The following SMURF1 variants were observed in gnomAD, a reference collection of about 807,000 sequenced individuals.
SMURF1 encodes SMAD specific E3 ubiquitin protein ligase 1.
Under a neutral mutation model 98.0 loss-of-function variants are expected in SMURF1, and 44 were observed. The observed-to-expected ratio is 0.45, with a 90% CI of 0.35 to 0.58. The LOEUF (loss-of-function observed/expected upper bound fraction) is 0.58. Ranked by LOEUF, SMURF1 falls within the 20% of genes least tolerant of loss-of-function variation. The pLI is 0.00. For synonymous variants in SMURF1, 396 were observed against 374.9 expected (o/e 1.06, Z -0.65); for missense variants, 687 against 938.4 (o/e 0.73, Z 3.50).
chr7:99,086,523 G>A (rs370844376), intron 1 of SMURF1, among the ~76,000 whole-genome samples: 2 of 152,094 alleles, frequency 1.3e-5, no homozygotes, highest in Admixed American at 6.6e-5. Context: ...AATGTTGAAC[G>A]TGGAGTTACC....
At chr7:99,101,344 C>T (rs1253445738) in intron 1 of SMURF1, among the ~76,000 whole-genome samples, 2 of 152,150 alleles carry the variant, frequency 1.3e-5, no homozygotes, top group Non-Finnish European at 2.9e-5. Flanking sequence ...TGCACTCCAG[C>T]ATGGGTGATA....
chr7:99,123,428 G>A (rs1797685633), intron 1 of SMURF1, among the ~76,000 whole-genome samples: 1 of 152,074 alleles, frequency 6.6e-6, no homozygotes, highest in Non-Finnish European at 1.5e-5. Context: ...AGCTACTCAG[G>A]AGGCCAACGT....
chr7:99,060,883 G>GA (rs761833397), intron 2 of SMURF1, among the ~76,000 whole-genome samples, 176 bp from the exon 3 acceptor site: 5 of 148,454 alleles, frequency 3.4e-5, no homozygotes, highest in Admixed American at 6.8e-5. Flanking sequence ...TTAGAGGGTA[G>GA]AAAAGAAAGT....
intron 1 of SMURF1, among the ~76,000 whole-genome samples, chr7:99,117,627 A>G (rs1308779115): frequency 6.6e-6 from 1 of 151,742 alleles, no homozygotes; most frequent in Non-Finnish European, 1.5e-5. Context: ...CTGGGATTAC[A>G]GGCGTGAGCC....
intron 1 of SMURF1, among the ~76,000 whole-genome samples, chr7:99,073,798 A>G (rs1237213928): frequency 6.6e-6 from 1 of 152,014 alleles, no homozygotes; most frequent in African/African-American, 2.4e-5. Context: ...ATGACCCAGC[A>G]ATTTCACCCT....
At chr7:99,040,709 A>G (rs1406526616) in intron 12 of SMURF1, among the ~76,000 whole-genome samples, 153 bp from the exon 13 acceptor site, 1 of 152,208 alleles carries the variant, frequency 6.6e-6, no homozygotes, top group East Asian at 1.9e-4. Context: ...GAACAAGTGA[A>G]AGAAGGCTGC....
intron 11 of SMURF1, among the ~76,000 whole-genome samples, chr7:99,045,382 T>A (rs1795540696): frequency 6.6e-6 from 1 of 152,244 alleles, no homozygotes; most frequent in Non-Finnish European, 1.5e-5. Context: ...GTGTTAAATT[T>A]CAGGAGCATG....
intron 12 of SMURF1, among the ~76,000 whole-genome samples, chr7:99,041,670 G>A (rs368348097): frequency 1.2e-4 from 19 of 152,346 alleles, no homozygotes; most frequent in African/African-American, 3.8e-4. Context: ...TGAGCTGGGC[G>A]TGCAAACACT....
At chr7:99,143,609 C>T in intron 1 of SMURF1, 117 bp downstream of exon 1, 1 of 804,514 alleles carries the variant, frequency 1.2e-6, no homozygotes, top group South Asian at 2.0e-5. Flanking sequence ...AAGGGGGTGA[C>T]GAGGTCCTGG....
chr7:99,129,266 T>C (rs539459294), intron 1 of SMURF1, among the ~76,000 whole-genome samples: 2 of 152,368 alleles, frequency 1.3e-5, no homozygotes, highest in Admixed American at 6.5e-5. Flanking sequence ...CTTAGATTCA[T>C]TGAAATAAGA....
chr7:99,109,695 G>C (rs983526252), intron 1 of SMURF1, among the ~76,000 whole-genome samples: 3 of 152,118 alleles, frequency 2.0e-5, no homozygotes, highest in Admixed American at 2.0e-4. Flanking sequence ...GAAATGCCTG[G>C]AGTAGTTTGT....
intron 10 of SMURF1, among the ~76,000 whole-genome samples, chr7:99,047,122 C>G (rs1240026694): frequency 6.6e-6 from 1 of 152,226 alleles, no homozygotes; most frequent in East Asian, 1.9e-4. Context: ...GGGACCTGCT[C>G]CTGCAGGAAG....
intron 1 of SMURF1, among the ~76,000 whole-genome samples, chr7:99,074,219 A>G (rs1449547249): frequency 6.6e-6 from 1 of 152,252 alleles, no homozygotes; most frequent in African/African-American, 2.4e-5. Flanking sequence ...AGGACGCATG[A>G]AGAAGGTGAC....
At chr7:99,137,997 TAGTC>T (rs527670943) in intron 1 of SMURF1, among the ~76,000 whole-genome samples, 27 of 152,320 alleles carry the variant, frequency 1.8e-4, no homozygotes, top group South Asian at 1.7e-3. Context: ...TTAGGGACTT[TAGTC>T]AGTCAGAATG....
intron 1 of SMURF1, among the ~76,000 whole-genome samples, chr7:99,143,399 GGGCGGGGCCAGGGAAGGAGA>G: frequency 6.7e-6 from 1 of 148,954 alleles, no homozygotes. Flanking sequence ...GAGAAGCGAG[GGGCGGGGCCAGGGAAGGAGA>G]TGCAAGGGGC....
chr7:99,109,171 C>A (rs1029827198), intron 1 of SMURF1, among the ~76,000 whole-genome samples: 3 of 152,152 alleles, frequency 2.0e-5, no homozygotes, highest in Non-Finnish European at 4.4e-5. Flanking sequence ...AAAGGGACTT[C>A]CTTCCTAGTT....
At chr7:99,105,771 C>A (rs556489198) in intron 1 of SMURF1, among the ~76,000 whole-genome samples, 1 of 152,180 alleles carries the variant, frequency 6.6e-6, no homozygotes, top group Non-Finnish European at 1.5e-5. Flanking sequence ...GGGGCCTAAA[C>A]GGCCAGAGGA....
At chr7:99,123,437 G>A (rs1197226710) in intron 1 of SMURF1, among the ~76,000 whole-genome samples, 2 of 152,080 alleles carry the variant, frequency 1.3e-5, no homozygotes, top group African/African-American at 2.4e-5. Context: ...GGAGGCCAAC[G>A]TGGGAGGATC....
rs559822010 is a variant in SMURF1 at position 99,054,978 on chromosome 7, T to C, written c.404-113A>G. The C allele has an allele frequency of 2.2e-4, 198 of 896,562 alleles. 1 individual carries two copies. In the African/African-American group the frequency reaches 2.5e-3, roughly 11 times the overall value. The allele number at this position is 896,562 out of a possible 1,614,324, so 55.5% of individuals were successfully genotyped here. On this transcript the variant is annotated intron_variant, in intron 5 of 17. Coordinates refer to ENST00000361368, the MANE Select transcript of SMURF1 (RefSeq NM_181349.3). ...GTACAATATCATAAAAAACGAGGCA[T>C]ATGTGTATGCATACACACATATATT...
Sources: allele counts gnomAD v4.1 joint callset (sites outside exome capture counted in the v4.1 genomes callset), GRCh38; gene constraint gnomAD v4.1.1; transcripts MANE v1.5; gene names NCBI Gene and HGNC (gene_info 2026-07-23, HGNC 2026-07-21).